The following SSBP3 variants were observed in gnomAD, a reference collection of about 807,000 sequenced individuals.
SSBP3 encodes the protein single stranded DNA binding protein 3.
A neutral mutation model predicts 69.6 loss-of-function variants in SSBP3; 5 were observed. The ratio of observed to expected loss-of-function variants is 0.07; its 90% CI spans 0.04 to 0.15. SSBP3 has a LOEUF of 0.15. Ranked by LOEUF, SSBP3 falls within the 10% of genes least tolerant of loss-of-function variation. SSBP3 has a pLI of 1.00. For synonymous variants in SSBP3, 196 were observed against 193.4 expected (o/e 1.01, Z -0.11); for missense variants, 312 against 534.0 (o/e 0.58, Z 4.10).
At chr1:54,323,814 G>C (rs1376397438) in intron 4 of SSBP3, among the ~76,000 whole-genome samples, 1 of 152,140 alleles carries the variant, frequency 6.6e-6, no homozygotes, top group Non-Finnish European at 1.5e-5. Flanking sequence ...CTGGGTTGTG[G>C]TAGAGGGAGA....
chr1:54,228,975 G>A, intron 14 of SSBP3, 149 bp from the exon 15 acceptor site: 1 of 793,662 alleles, frequency 1.3e-6, no homozygotes, highest in African/African-American at 1.7e-5. Context: ...GTCCTGCCTG[G>A]CAGCTGGGCC....
chr1:54,285,600 C>A (rs926673610), intron 4 of SSBP3: 2 of 152,174 alleles, frequency 1.3e-5, no homozygotes, highest in African/African-American at 4.8e-5. Context: ...AATTCAGAGA[C>A]CTGCTCAAAG....
intron 13 of SSBP3, among the ~76,000 whole-genome samples, chr1:54,240,096 GCGCGTGTGCGTGCGCGCGCGCGCGCAACA>G (rs1557448906): frequency 2.3e-4 from 3 of 12,828 alleles, no homozygotes; most frequent in African/African-American, 1.6e-3. Context: ...GTGCGCGCGC[GCGCGTGTGCGTGCGCGCGCGCGCGCAACA>G]CATGCCCACG....
chr1:54,392,307 C>T (rs1319343267), intron 4 of SSBP3, among the ~76,000 whole-genome samples: 1 of 152,228 alleles, frequency 6.6e-6, no homozygotes, highest in Non-Finnish European at 1.5e-5. Context: ...AATTGCTTGT[C>T]TCTTGACCCA....
intron 4 of SSBP3, among the ~76,000 whole-genome samples, chr1:54,298,382 T>C (rs1645739842): frequency 6.6e-6 from 1 of 152,124 alleles, no homozygotes; most frequent in African/African-American, 2.4e-5. Flanking sequence ...AGCGAAGCAG[T>C]CCCAGCAAGG....
intron 4 of SSBP3, among the ~76,000 whole-genome samples, chr1:54,290,734 C>T (rs975510615): frequency 1.3e-5 from 2 of 152,212 alleles, no homozygotes; most frequent in Non-Finnish European, 2.9e-5. Flanking sequence ...CAGGCAGATA[C>T]CTCCCATCTG....
chr1:54,362,179 ATC>A (rs1646961137), intron 4 of SSBP3, among the ~76,000 whole-genome samples: 1 of 152,128 alleles, frequency 6.6e-6, no homozygotes, highest in African/African-American at 2.4e-5. Flanking sequence ...AGCAAGAAAG[ATC>A]TCTCCCTTTT....
chr1:54,312,286 C>T (rs1646017193), intron 4 of SSBP3, among the ~76,000 whole-genome samples: 2 of 149,818 alleles, frequency 1.3e-5, no homozygotes, highest in Non-Finnish European at 3.0e-5. Flanking sequence ...GAGATACTCT[C>T]TCTTTAAAAA....
At chr1:54,299,282 G>A (rs181038215) in intron 4 of SSBP3, among the ~76,000 whole-genome samples, 1 of 152,090 alleles carries the variant, frequency 6.6e-6, no homozygotes, top group African/African-American at 2.4e-5. Flanking sequence ...CAAGAATGGA[G>A]CCACCCTGCC....
intron 4 of SSBP3, among the ~76,000 whole-genome samples, chr1:54,334,807 G>C (rs547771025): frequency 6.6e-6 from 1 of 152,168 alleles, no homozygotes; most frequent in Admixed American, 6.5e-5. Flanking sequence ...ACACAGAGCC[G>C]ACTGGCAGCT....
At chr1:54,285,960 T>C (rs184335468) in intron 4 of SSBP3, among the ~76,000 whole-genome samples, 1 of 152,286 alleles carries the variant, frequency 6.6e-6, no homozygotes, top group African/African-American at 2.4e-5. Flanking sequence ...AGATGACCAC[T>C]AAGGCTCTTC....
intron 4 of SSBP3, among the ~76,000 whole-genome samples, chr1:54,360,375 G>A (rs1191163365): frequency 1.3e-5 from 2 of 152,194 alleles, no homozygotes; most frequent in Non-Finnish European, 2.9e-5. Flanking sequence ...CACACGATAG[G>A]CACTCAACAA....
chr1:54,228,150 C>T, intron 17 of SSBP3, 105 bp downstream of exon 17: 1 of 1,055,050 alleles, frequency 9.5e-7, no homozygotes. Flanking sequence ...AACACGGCCA[C>T]CAGCTTAGCT....
intron 4 of SSBP3, among the ~76,000 whole-genome samples, chr1:54,362,128 G>A (rs1159665407): frequency 1.3e-5 from 2 of 152,190 alleles, no homozygotes; most frequent in East Asian, 3.8e-4. Context: ...GTAAGGACAA[G>A]CGTAGGAGAC....
chr1:54,368,466 C>T (rs762457817), intron 4 of SSBP3, among the ~76,000 whole-genome samples: 3 of 149,938 alleles, frequency 2.0e-5, no homozygotes, highest in Non-Finnish European at 4.4e-5. Context: ...ACCCATAGTT[C>T]CCCACATTTA....
chr1:54,312,210 G>T (rs975391538), intron 4 of SSBP3, among the ~76,000 whole-genome samples: 1 of 151,930 alleles, frequency 6.6e-6, no homozygotes, highest in African/African-American at 2.4e-5. Flanking sequence ...ATCAGTGGAG[G>T]TCAGGAGTTT....
At chr1:54,280,849 C>A (rs1645379163) in intron 5 of SSBP3, among the ~76,000 whole-genome samples, 1 of 152,180 alleles carries the variant, frequency 6.6e-6, no homozygotes, top group Non-Finnish European at 1.5e-5. Flanking sequence ...CACGTGGGAT[C>A]TGTTCCTGCC....
intron 14 of SSBP3, among the ~76,000 whole-genome samples, chr1:54,231,671 G>T (rs1339480970): frequency 6.6e-6 from 1 of 152,058 alleles, no homozygotes; most frequent in African/African-American, 2.4e-5. Context: ...TAGATCTATG[G>T]TCTACTTTGT....
chr1:54,376,343 C>T (rs560212996), intron 4 of SSBP3, among the ~76,000 whole-genome samples: 1 of 152,336 alleles, frequency 6.6e-6, no homozygotes, highest in Non-Finnish European at 1.5e-5. Context: ...TTACCACTGC[C>T]AACACTGCCA....
Sources: allele counts gnomAD v4.1 joint callset (sites outside exome capture counted in the v4.1 genomes callset), GRCh38; gene constraint gnomAD v4.1.1; transcripts MANE v1.5; gene names NCBI Gene and HGNC (gene_info 2026-07-23, HGNC 2026-07-21).